NOL4: variants seen among roughly 807,000 people sequenced by gnomAD.
NOL4 encodes the protein nucleolar protein 4.
In NOL4, 17 loss-of-function variants were observed where a neutral mutation model predicts 75.9. The ratio of observed to expected loss-of-function variants is 0.22; its 90% CI spans 0.15 to 0.34. The LOEUF is 0.34. NOL4 is among the 10% of genes least tolerant of loss of function. The probability of loss-of-function intolerance (pLI) is 1.00; values close to 1 mark genes in which losing one functional copy is unlikely to be tolerated. For synonymous variants in NOL4, 292 were observed against 289.9 expected (o/e 1.01, Z -0.07); for missense variants, 614 against 793.5 (o/e 0.77, Z 2.72).
chr18:34,203,717 T>TCTCTCACACACACACACACACA, intron 1 of NOL4, among the ~76,000 whole-genome samples: 1 of 72,302 alleles, frequency 1.4e-5, no homozygotes, highest in South Asian at 7.5e-4. Flanking sequence ...TCTCTCTCTC[T>TCTCTCACACACACACACACACA]CACACACACA....
chr18:34,095,251 A>ATGTGTGTGTGTGTGTGTGTGTGTG (rs60017439), intron 4 of NOL4, among the ~76,000 whole-genome samples: 1 of 144,408 alleles, frequency 6.9e-6, no homozygotes, highest in Non-Finnish European at 1.5e-5. Context: ...TCTAATGTGT[A>ATGTGTGTGTGTGTGTGTGTGTGTG]TGTGTGTGTG....
At chr18:34,061,987 T>C (rs773372659) in intron 5 of NOL4, among the ~76,000 whole-genome samples, 10 of 152,148 alleles carry the variant, frequency 6.6e-5, no homozygotes, top group Non-Finnish European at 7.4e-5. Context: ...GAATGACATA[T>C]ACTGAGAGAG....
intron 5 of NOL4, among the ~76,000 whole-genome samples, chr18:34,033,435 T>A (rs558354006): frequency 6.6e-6 from 1 of 151,724 alleles, no homozygotes; most frequent in East Asian, 1.9e-4. Flanking sequence ...AGCAATAAAC[T>A]AGATCAAGCA....
chr18:34,026,269 C>T (rs758742219), intron 5 of NOL4, among the ~76,000 whole-genome samples: 1 of 152,072 alleles, frequency 6.6e-6, no homozygotes, highest in Non-Finnish European at 1.5e-5. Context: ...CCTGGTTATG[C>T]CCTCCTCCCT....
chr18:33,973,849 A>G (rs147493935), intron 6 of NOL4, among the ~76,000 whole-genome samples: 1 of 152,190 alleles, frequency 6.6e-6, no homozygotes, highest in South Asian at 2.1e-4. Flanking sequence ...TTCCATTTAT[A>G]GAGCACAGGC....
chr18:34,172,355 A>G (rs2033126577), intron 1 of NOL4, among the ~76,000 whole-genome samples: 1 of 151,988 alleles, frequency 6.6e-6, no homozygotes, highest in Non-Finnish European at 1.5e-5. Context: ...TTAAAATTGT[A>G]TTATTTTTTA....
At chr18:34,010,310 C>T (rs905035222) in intron 6 of NOL4, among the ~76,000 whole-genome samples, 2 of 151,784 alleles carry the variant, frequency 1.3e-5, no homozygotes, top group East Asian at 1.9e-4. Context: ...CAGTTCCATC[C>T]GTGTTGTTAC....
chr18:34,039,777 C>G lies in NOL4; in HGVS notation c.773-20176G>C, dbSNP rs528196256. Among the ~76,000 whole-genome samples the G allele has an allele frequency of 1.5e-3, 233 of 152,112 alleles. 1 individual carries two copies. Among genetic ancestry groups the G allele is most frequent in the Non-Finnish European group, 2.7e-3 (182 of 67,910 alleles). ...ACATATACAGACGGTTCCTGACTTA[C>G]AATGGTTCAACTTAGCAATTTTTTG... On this transcript the variant is annotated intron_variant, in intron 5 of 10. Transcript: ENST00000261592.
Position 34,079,785 on chromosome 18 carries a change from C to A in NOL4, c.772+13680G>T, listed in dbSNP as rs182748308. Among the ~76,000 whole-genome samples the A allele has an allele frequency of 3.0e-3, 460 of 152,260 alleles. 1 individual carries two copies. Among genetic ancestry groups the A allele is most frequent in the African/African-American group, 0.011 (439 of 41,558 alleles). ...ATTCATTCAGACTTTTAGGTTTTTG[C>A]TCCTATTTAAAGCCAAGTTTTTAGA... On this transcript the variant is annotated intron_variant, in intron 5 of 10. Coordinates refer to ENST00000261592, the MANE Select transcript of NOL4 (RefSeq NM_003787.5).
At chr18:33,936,254 A>C (rs2068048893) in intron 9 of NOL4, among the ~76,000 whole-genome samples, 1 of 152,118 alleles carries the variant, frequency 6.6e-6, no homozygotes, top group Non-Finnish European at 1.5e-5. Context: ...CCAACTTATT[A>C]GTATCCTAAT....
At chr18:34,137,536 T>C (rs1335754267) in intron 1 of NOL4, among the ~76,000 whole-genome samples, 1 of 152,146 alleles carries the variant, frequency 6.6e-6, no homozygotes, top group African/African-American at 2.4e-5. Flanking sequence ...GAAAAAATGC[T>C]TAATATAATT....
intron 1 of NOL4, among the ~76,000 whole-genome samples, chr18:34,156,884 C>T (rs894706739): frequency 3.9e-5 from 6 of 152,118 alleles, no homozygotes; most frequent in Non-Finnish European, 7.4e-5. Flanking sequence ...CCCACAGAGT[C>T]ATACAAAATC....
intron 9 of NOL4, among the ~76,000 whole-genome samples, chr18:33,892,399 C>G (rs1414591617): frequency 6.6e-6 from 1 of 152,056 alleles, no homozygotes; most frequent in African/African-American, 2.4e-5. Flanking sequence ...CTACTGCATT[C>G]TAGCTTGGGT....
At chr18:33,875,423 A>G (rs2144559638) in intron 10 of NOL4, among the ~76,000 whole-genome samples, 1 of 152,160 alleles carries the variant, frequency 6.6e-6, no homozygotes, top group African/African-American at 2.4e-5. Context: ...CTCCAAACAA[A>G]TGGAGGTTGG....
chr18:33,979,782 C>T (rs1037257654), intron 6 of NOL4, among the ~76,000 whole-genome samples: 5 of 151,854 alleles, frequency 3.3e-5, no homozygotes, highest in African/African-American at 1.2e-4. Context: ...AATTAGTTTG[C>T]CACAAACTTA....
chr18:34,148,600 C>A (rs781282250), intron 1 of NOL4, among the ~76,000 whole-genome samples: 3 of 151,948 alleles, frequency 2.0e-5, no homozygotes, highest in Non-Finnish European at 2.9e-5. Flanking sequence ...TATTTCCATT[C>A]TTTTGCATTT....
chr18:34,032,421 C>T (rs190121387), intron 5 of NOL4, among the ~76,000 whole-genome samples: 175 of 152,238 alleles, frequency 1.1e-3, no homozygotes, highest in African/African-American at 4.2e-3. Flanking sequence ...CTTCTCCCAT[C>T]CCAGAGCACA....
At chr18:33,932,555 T>G (rs2145429167) in intron 9 of NOL4, among the ~76,000 whole-genome samples, 1 of 152,242 alleles carries the variant, frequency 6.6e-6, no homozygotes, top group Non-Finnish European at 1.5e-5. Flanking sequence ...ATCATTTTCA[T>G]ATGCAAATTA....
At chr18:34,188,050 T>G (rs771973163) in intron 1 of NOL4, among the ~76,000 whole-genome samples, 11 of 152,230 alleles carry the variant, frequency 7.2e-5, no homozygotes, top group Non-Finnish European at 1.5e-4. Flanking sequence ...TGCTTTAATT[T>G]GCATGCAATG....
Sources: gnomAD v4.1 joint callset for allele counts (sites outside exome capture counted in the v4.1 genomes callset) on GRCh38, gnomAD v4.1.1 for gene constraint, MANE v1.5 for transcripts, NCBI Gene and HGNC (gene_info 2026-07-23, HGNC 2026-07-21) for gene names.